Variants in PTCHD4 observed in about 807,000 individuals in gnomAD.
PTCHD4 encodes the protein patched domain containing 4.
A neutral mutation model predicts 58.1 loss-of-function variants in PTCHD4; 33 were observed. That is an observed-to-expected ratio of 0.57 (90% confidence interval 0.43 to 0.76). The LOEUF (loss-of-function observed/expected upper bound fraction) is 0.76. Among genes scored for constraint, PTCHD4 ranks in the 30% least tolerant of loss-of-function variants. The pLI, the probability that PTCHD4 is intolerant of heterozygous loss-of-function variation, is 0.00. For synonymous variants in PTCHD4, 478 were observed against 409.6 expected (o/e 1.17, Z -2.02); for missense variants, 1,058 against 1,027.1 (o/e 1.03, Z -0.41).
intron 4 of PTCHD4, among the ~76,000 whole-genome samples, chr6:47,939,433 T>C (rs549955786): frequency 6.6e-6 from 1 of 152,174 alleles, no homozygotes; most frequent in African/African-American, 2.4e-5. Context: ...ACACTGAGGC[T>C]GGAGCTAAAA....
intron 4 of PTCHD4, among the ~76,000 whole-genome samples, chr6:47,882,990 T>C (rs1764067339): frequency 6.6e-6 from 1 of 151,614 alleles, no homozygotes; most frequent in Non-Finnish European, 1.5e-5. Context: ...AAATAAACTA[T>C]AATTCTTGAT....
At chr6:48,019,568 C>T (rs777291928) in intron 3 of PTCHD4, among the ~76,000 whole-genome samples, 96 of 152,162 alleles carry the variant, frequency 6.3e-4, no homozygotes, top group Non-Finnish European at 1.1e-3. Context: ...AACCCTTTCT[C>T]TACTAAAAAT....
intron 1 of PTCHD4, among the ~76,000 whole-genome samples, chr6:48,089,163 G>A (rs1765317622): frequency 6.6e-6 from 1 of 152,116 alleles, no homozygotes; most frequent in South Asian, 2.1e-4. Context: ...TAGCAGCAAG[G>A]GCAGAAATTT....
intron 3 of PTCHD4, among the ~76,000 whole-genome samples, chr6:48,045,280 C>G (rs886787738): frequency 6.6e-6 from 1 of 151,790 alleles, no homozygotes; most frequent in African/African-American, 2.4e-5. Context: ...TTTTCTTTGG[C>G]CTAATCCTTT....
chr6:47,990,484 G>A (rs967200419), intron 4 of PTCHD4, among the ~76,000 whole-genome samples: 2 of 152,112 alleles, frequency 1.3e-5, no homozygotes, highest in East Asian at 3.9e-4. Context: ...TGAATCATGG[G>A]GGCAGTTTCC....
chr6:48,017,173 G>C (rs1002384569), intron 3 of PTCHD4, among the ~76,000 whole-genome samples: 15 of 151,476 alleles, frequency 9.9e-5, no homozygotes, highest in African/African-American at 3.6e-4. Context: ...TTATTACCAG[G>C]GTCAAGTATA....
intron 4 of PTCHD4, among the ~76,000 whole-genome samples, chr6:47,982,423 A>C (rs971020223): frequency 2.0e-5 from 3 of 151,848 alleles, no homozygotes; most frequent in Non-Finnish European, 1.5e-5. Context: ...CATATGTGTA[A>C]AAATGAAAAC....
chr6:47,973,262 A>T (rs1453374118), intron 4 of PTCHD4, among the ~76,000 whole-genome samples: 5 of 152,230 alleles, frequency 3.3e-5, no homozygotes, highest in Non-Finnish European at 5.9e-5. Context: ...CTTTAAGAAG[A>T]ATTATTGTGA....
chr6:47,983,083 A>T (rs1291108640), intron 4 of PTCHD4, among the ~76,000 whole-genome samples: 1 of 152,184 alleles, frequency 6.6e-6, no homozygotes, highest in Non-Finnish European at 1.5e-5. Context: ...TTGGAGGATT[A>T]CTTATGTTGA....
intron 1 of PTCHD4, among the ~76,000 whole-genome samples, chr6:48,090,011 T>G (rs1331604841): frequency 6.6e-6 from 1 of 152,204 alleles, no homozygotes; most frequent in African/African-American, 2.4e-5. Context: ...ATATAGTTTC[T>G]CAGAACTATT....
At position 47,880,531 on chromosome 6, in the gene PTCHD4, T is replaced by TAAA. The variant is rs66857220; in HGVS notation, c.899-598_899-596dup. On this transcript the variant is annotated intron_variant, in intron 4 of 4. Transcript: ENST00000339488. ...TTAATTAGCTCCGGATGTGAGTTTTTAAAAAAAAAATCTGCCACGTCACAT... is the reference window on the plus strand; with the variant it reads ...TTAATTAGCTCCGGATGTGAGTTTTTAAAAAAAAAAAAATCTGCCACGTCACAT... Among the ~76,000 whole-genome samples the TAAA allele has an allele frequency of 5.3e-3, 802 of 150,926 alleles. 4 individuals carry two copies. Among genetic ancestry groups the TAAA allele is most frequent in the Non-Finnish European group, 7.9e-3 (537 of 67,652 alleles).
chr6:48,050,619 C>T (rs1764198632), intron 3 of PTCHD4, among the ~76,000 whole-genome samples: 1 of 152,014 alleles, frequency 6.6e-6, no homozygotes, highest in Non-Finnish European at 1.5e-5. Context: ...CAAATAAATT[C>T]ATGCACATTA....
rs568396032 is a variant in PTCHD4 at position 47,964,871 on chromosome 6, A to G, written c.898+43763T>C. 1.3e-4 allele frequency among the ~76,000 whole-genome samples: 20 copies of G among 152,192 alleles called. No individual in the cohort carries two copies. In the South Asian group the frequency reaches 3.9e-3, roughly 30 times the overall value. On this transcript the variant is annotated intron_variant, in intron 4 of 4. Transcript: ENST00000339488. ...TAAAGTTTAGTTGAAATAACATTTTATTTTCTATGAAGTATGTCATTGCTC... is the reference window on the plus strand; with the variant it reads ...TAAAGTTTAGTTGAAATAACATTTTGTTTTCTATGAAGTATGTCATTGCTC...
intron 4 of PTCHD4, among the ~76,000 whole-genome samples, chr6:47,912,742 T>A (rs1253501309): frequency 6.6e-6 from 1 of 152,118 alleles, no homozygotes; most frequent in Non-Finnish European, 1.5e-5. Flanking sequence ...TCAAATAATA[T>A]AATTCATTGA....
chr6:48,000,554 G>A (rs1768682891), intron 4 of PTCHD4, among the ~76,000 whole-genome samples: 1 of 152,056 alleles, frequency 6.6e-6, no homozygotes, highest in South Asian at 2.1e-4. Flanking sequence ...TTTCCAAGGT[G>A]ACTCAAATTC....
chr6:47,994,802 G>T (rs1768417464), intron 4 of PTCHD4, among the ~76,000 whole-genome samples: 1 of 152,202 alleles, frequency 6.6e-6, no homozygotes, highest in South Asian at 2.1e-4. Context: ...CATATAGATG[G>T]CATGTTGGTA....
At chr6:47,880,966 A>G (rs1203650525) in intron 4 of PTCHD4, among the ~76,000 whole-genome samples, 1 of 152,184 alleles carries the variant, frequency 6.6e-6, no homozygotes, top group Non-Finnish European at 1.5e-5. Context: ...TAATATATCA[A>G]TTGGTAGCTT....
In PTCHD4 at chr6:47,949,393, A is replaced by G. The variant is rs563677883; in HGVS notation, c.898+59241T>C. ...GGCAGAAAGGGTCTTTGTGGCTTTGATTAGTGTCTGCAGTATATCTCTGTG... is the reference window on the plus strand; with the variant it reads ...GGCAGAAAGGGTCTTTGTGGCTTTGGTTAGTGTCTGCAGTATATCTCTGTG... On this transcript the variant is annotated intron_variant, in intron 4 of 4. Coordinates refer to ENST00000339488, the MANE Select transcript of PTCHD4 (RefSeq NM_001384253.1). 2.0e-5 allele frequency among the ~76,000 whole-genome samples: 3 copies of G among 152,286 alleles called. No individual in the cohort carries two copies. The East Asian group carries it at 5.8e-4, about 29-fold the overall frequency.
At chr6:47,984,882 A>G (rs1316425271) in intron 4 of PTCHD4, among the ~76,000 whole-genome samples, 1 of 152,144 alleles carries the variant, frequency 6.6e-6, no homozygotes, top group Non-Finnish European at 1.5e-5. Context: ...TAGGTAGTTT[A>G]TAAGTCAAGA....
Sources: gnomAD v4.1 joint callset for allele counts (sites outside exome capture counted in the v4.1 genomes callset) on GRCh38, gnomAD v4.1.1 for gene constraint, MANE v1.5 for transcripts, NCBI Gene and HGNC (gene_info 2026-07-23, HGNC 2026-07-21) for gene names.